The following RSBN1 variants were observed in gnomAD, a reference collection of about 807,000 sequenced individuals.
RSBN1 encodes round spermatid basic protein 1, also known as lysine-specific demethylase 9.
A neutral mutation model predicts 74.8 loss-of-function variants in RSBN1; 23 were observed. The observed-to-expected ratio is 0.31, with a 90% CI of 0.22 to 0.44. The LOEUF (loss-of-function observed/expected upper bound fraction) is 0.44. Ranked by LOEUF, RSBN1 falls within the 20% of genes least tolerant of loss-of-function variation. The pLI is 1.00. For missense variants in RSBN1, 808 were observed against 1,020.9 expected (o/e 0.79, Z 2.84); for synonymous variants, 407 against 379.6 (o/e 1.07, Z -0.84).
chr1:113,804,276 G>C (rs1201745771), intron 1 of RSBN1, among the ~76,000 whole-genome samples: 1 of 152,106 alleles, frequency 6.6e-6, no homozygotes, highest in Non-Finnish European at 1.5e-5. Context: ...AAAGATCTCT[G>C]AAAGAGGAAA....
chr1:113,802,890 C>A (rs1025188014), intron 1 of RSBN1, among the ~76,000 whole-genome samples: 1 of 152,138 alleles, frequency 6.6e-6, no homozygotes, highest in Non-Finnish European at 1.5e-5. Context: ...TTCAGGTTCA[C>A]TCTTGTTGTA....
At position 113,797,832 on chromosome 1, in the gene RSBN1, C is replaced by T; in HGVS notation, c.908G>A (p.Gly303Glu). 6 of 1,613,892 alleles carry T rather than the reference C, an allele frequency of 3.7e-6. No homozygotes were observed. Among genetic ancestry groups the T allele is most frequent in the Non-Finnish European group, 5.1e-6 (6 of 1,179,962 alleles). ...LTQGQINSTS[G>E]LNKESFRYLK... ...ATACCTGAAGGACTCCTTATTAAGT[C>T]CTGAAGTGCTATTTATTTGTCCTTG... The change falls in exon 2 of 7, where the codon GGA (glycine) becomes GAA (glutamate). Residue 303 changes from glycine (G) to glutamate (E), a missense_variant. By Grantham distance (98) the Gly-to-Glu change is moderately conservative. Transcript: ENST00000261441.
chr1:113,774,723 G>A (rs1021364603), intron 4 of RSBN1, among the ~76,000 whole-genome samples: 7 of 151,884 alleles, frequency 4.6e-5, no homozygotes, highest in Non-Finnish European at 1.0e-4. Context: ...AGGCATGGTG[G>A]CAGGCACCTG....
chr1:113,791,662 T>C lies in RSBN1; in HGVS notation c.1377+5701A>G, dbSNP rs192815682. Among the ~76,000 whole-genome samples, 350 of 152,074 alleles carry C rather than the reference T, an allele frequency of 2.3e-3. 4 individuals are homozygous for C. Among genetic ancestry groups the C allele is most frequent in the African/African-American group, 8.0e-3 (333 of 41,520 alleles). On this transcript the variant is annotated intron_variant, in intron 2 of 6. Coordinates refer to ENST00000261441, the MANE Select transcript of RSBN1 (RefSeq NM_018364.5). ...AGAAAGGCATTCCTACTTTAAAATA[T>C]ATAGTGAAAAAACAGTGTGACTGGG... is the stretch of plus-strand genomic sequence containing the variant.
At chr1:113,776,810 C>CAAA (rs58152175) in intron 4 of RSBN1, among the ~76,000 whole-genome samples, 9 of 90,228 alleles carry the variant, frequency 1.0e-4, no homozygotes, top group African/African-American at 1.7e-4. Context: ...GACCCTATCT[C>CAAA]AAAAAAAAAA....
intron 1 of RSBN1, among the ~76,000 whole-genome samples, chr1:113,806,237 A>G (rs1660697381): frequency 6.6e-6 from 1 of 151,972 alleles, no homozygotes; most frequent in African/African-American, 2.4e-5. Flanking sequence ...CAGGAGGCTG[A>G]GGCATAAGAT....
chr1:113,785,102 G>C (rs1407487150), intron 2 of RSBN1, among the ~76,000 whole-genome samples: 1 of 151,252 alleles, frequency 6.6e-6, no homozygotes, highest in Non-Finnish European at 1.5e-5. Flanking sequence ...TCCTTATTCT[G>C]TAAGGTATTT....
At chr1:113,806,911 G>T (rs1660711224) in intron 1 of RSBN1, among the ~76,000 whole-genome samples, 1 of 151,602 alleles carries the variant, frequency 6.6e-6, no homozygotes, top group Admixed American at 6.6e-5. Flanking sequence ...TACTCAGGAG[G>T]TTGAGGTGGG....
intron 4 of RSBN1, 89 bp from the exon 5 acceptor site, chr1:113,768,478 C>A: frequency 1.1e-6 from 1 of 924,894 alleles, no homozygotes; most frequent in Non-Finnish European, 1.6e-6. Flanking sequence ...GCAAAAAAGT[C>A]TGCTAAAATA....
Position 113,765,991 on chromosome 1 carries a change from T to A in RSBN1, c.2398A>T (p.Thr800Ser). 1 of 1,610,674 alleles carries A rather than the reference T, an allele frequency of 6.2e-7. No individual in the cohort carries two copies. Among genetic ancestry groups the A allele is most frequent in the Non-Finnish European group, 8.5e-7 (1 of 1,177,238 alleles). The change falls in exon 7 of 7, where the codon ACT (threonine) becomes TCT (serine). Residue 800 changes from threonine (T) to serine (S), a missense_variant. Thr to Ser is a moderately conservative substitution (Grantham distance 58, BLOSUM62 1). This residue lies in a region of RSBN1 where 91 missense variants were observed against 99.6 expected (regional missense o/e 0.91). Transcript: ENST00000261441. ...QQHNLQEHST[T>S]SV ...TGAATATGTACATATCACACAGAAG[T>A]GGTTGAATGTTCTTGCAGATTGTGT... is the stretch of plus-strand genomic sequence containing the variant.
At chr1:113,784,786 G>T (rs922363895) in intron 2 of RSBN1, among the ~76,000 whole-genome samples, 1 of 152,142 alleles carries the variant, frequency 6.6e-6, no homozygotes, top group Non-Finnish European at 1.5e-5. Flanking sequence ...AAACACAATG[G>T]TAAGTTTTTA....
intron 2 of RSBN1, among the ~76,000 whole-genome samples, chr1:113,786,539 G>T (rs1185885018): frequency 6.6e-6 from 1 of 152,134 alleles, no homozygotes. Flanking sequence ...CATAGCCTGG[G>T]GTAATATACT....
chr1:113,803,461 T>C (rs999791489), intron 1 of RSBN1, among the ~76,000 whole-genome samples: 12 of 152,220 alleles, frequency 7.9e-5, no homozygotes, highest in African/African-American at 2.9e-4. Context: ...TTCCCAACAA[T>C]AATGAATGAG....
intron 2 of RSBN1, among the ~76,000 whole-genome samples, chr1:113,794,538 T>TC (rs1241366589): frequency 6.6e-6 from 1 of 152,186 alleles, no homozygotes; most frequent in Non-Finnish European, 1.5e-5. Context: ...TATTTGTAGC[T>TC]CCCTCTAAGT....
chr1:113,790,815 G>C (rs1025907499), intron 2 of RSBN1, among the ~76,000 whole-genome samples: 1 of 152,184 alleles, frequency 6.6e-6, no homozygotes, highest in African/African-American at 2.4e-5. Flanking sequence ...TCTTAAACTT[G>C]CCTGATCATA....
Position 113,812,433 on chromosome 1 carries a change from G to A in RSBN1, c.-21C>T. 1.3e-6 allele frequency: 2 copies of A among 1,568,606 alleles called. No homozygotes were observed. Among genetic ancestry groups the A allele is most frequent in the Non-Finnish European group, 8.6e-7 (1 of 1,164,092 alleles). ...AACATGCCGGAAGCGGCCGTTCCCA[G>A]CTTTTCTCCGCAGGCCTCTCCAACC... On this transcript the variant is annotated 5_prime_UTR_variant, in exon 1 of 7. Transcript: ENST00000261441.
chr1:113,800,850 C>CA (rs1002557410), intron 1 of RSBN1, among the ~76,000 whole-genome samples: 45 of 148,976 alleles, frequency 3.0e-4, no homozygotes, highest in Admixed American at 1.6e-3. Context: ...AAAAAAACAA[C>CA]AAAAAAAACA....
intron 2 of RSBN1, among the ~76,000 whole-genome samples, chr1:113,794,061 C>A (rs558883429): frequency 6.6e-6 from 1 of 152,296 alleles, no homozygotes; most frequent in East Asian, 1.9e-4. Context: ...CCACAGAAAC[C>A]GGCTTTTTCA....
chr1:113,808,615 T>A (rs1571313901), intron 1 of RSBN1, among the ~76,000 whole-genome samples: 1 of 152,164 alleles, frequency 6.6e-6, no homozygotes, highest in East Asian at 1.9e-4. Context: ...ATTCAATAGG[T>A]GAACCATGGT....
Sources: gnomAD v4.1 joint callset for allele counts (sites outside exome capture counted in the v4.1 genomes callset) on GRCh38, gnomAD v4.1.1 for gene constraint, gnomAD v4.1.1 regional missense constraint, MANE v1.5 for transcripts, NCBI Gene and HGNC (gene_info 2026-07-23, HGNC 2026-07-21) for gene names.